ZPBP: variants seen among roughly 807,000 people sequenced by gnomAD.
ZPBP encodes zona pellucida binding protein, also known as zona pellucida-binding protein 1.
In ZPBP, 26 loss-of-function variants were observed where a neutral mutation model predicts 44.8. That is an observed-to-expected ratio of 0.58 (90% CI 0.43 to 0.81). The LOEUF (loss-of-function observed/expected upper bound fraction) is 0.81, where lower values mean the gene tolerates loss of function less well. Among genes scored for constraint, ZPBP ranks in the 30% least tolerant of loss-of-function variants. The pLI, the probability that ZPBP is intolerant of heterozygous loss-of-function variation, is 0.00. For missense variants in ZPBP, 409 were observed against 434.0 expected, an observed-to-expected ratio of 0.94 and a Z score of 0.51; for synonymous variants, 174 against 153.2, an observed-to-expected ratio of 1.14 and a Z score of -1.00.
At chr7:49,977,419 G>A (rs1311307286) in intron 7 of ZPBP, among the ~76,000 whole-genome samples, 3 of 152,158 alleles carry the variant, frequency 2.0e-5, no homozygotes, top group Admixed American at 6.5e-5. Context: ...AAGTCTTTAG[G>A]ATAAATTTAT....
intron 3 of ZPBP, among the ~76,000 whole-genome samples, chr7:50,062,965 C>A (rs1584148155): frequency 1.4e-5 from 2 of 141,670 alleles, no homozygotes; most frequent in South Asian, 2.3e-4. Flanking sequence ...AGAGTCGTTA[C>A]CTTTTAACAT....
At chr7:49,945,924 T>C (rs961148854) in intron 7 of ZPBP, among the ~76,000 whole-genome samples, 1 of 152,162 alleles carries the variant, frequency 6.6e-6, no homozygotes, top group Non-Finnish European at 1.5e-5. Context: ...CTTTTCTTCC[T>C]GTATTCCTTT....
At chr7:49,893,121 A>G (rs1792215073) in intron 2 of ZPBP, among the ~76,000 whole-genome samples, 1 of 152,228 alleles carries the variant, frequency 6.6e-6, no homozygotes. Context: ...AATGTTGAGC[A>G]TGAGAATACT....
intron 6 of ZPBP, among the ~76,000 whole-genome samples, chr7:50,006,477 A>G (rs1480929878): frequency 1.3e-5 from 2 of 152,108 alleles, no homozygotes; most frequent in Non-Finnish European, 1.5e-5. Context: ...TGGAAAATCC[A>G]CATCTATTGA....
intron 7 of ZPBP, among the ~76,000 whole-genome samples, chr7:49,962,192 A>G (rs761974263): frequency 1.5e-4 from 23 of 151,998 alleles, no homozygotes; most frequent in Non-Finnish European, 2.5e-4. Flanking sequence ...AAAAATTTAC[A>G]AGAGAAGGGA....
At chr7:49,850,876 C>T (rs1248045774) in intron 2 of ZPBP, among the ~76,000 whole-genome samples, 1 of 152,214 alleles carries the variant, frequency 6.6e-6, no homozygotes, top group Non-Finnish European at 1.5e-5. Context: ...CACCGCACCT[C>T]AGGATGACTC....
intron 6 of ZPBP, among the ~76,000 whole-genome samples, chr7:50,002,402 A>T (rs1355957184): frequency 6.6e-6 from 1 of 152,124 alleles, no homozygotes; most frequent in East Asian, 1.9e-4. Flanking sequence ...CAGCCAAATC[A>T]TATCAGACAG....
At chr7:49,972,694 T>C (rs1325701242) in intron 7 of ZPBP, among the ~76,000 whole-genome samples, 1 of 152,036 alleles carries the variant, frequency 6.6e-6, no homozygotes, top group Admixed American at 6.6e-5. Context: ...CCTATCAAAA[T>C]GTCAAGCATA....
chr7:49,958,337 T>G (rs1327735862), intron 7 of ZPBP, among the ~76,000 whole-genome samples: 1 of 152,198 alleles, frequency 6.6e-6, no homozygotes, highest in African/African-American at 2.4e-5. Context: ...AAAACATGAA[T>G]TTTTGGGATC....
intron 7 of ZPBP, chr7:49,942,779 G>T: frequency 6.4e-6 from 1 of 156,468 alleles, no homozygotes; most frequent in Non-Finnish European, 1.4e-5. Flanking sequence ...CATATCCACA[G>T]GAGCGAGGTC....
intron 2 of ZPBP, among the ~76,000 whole-genome samples, chr7:50,085,218 C>T (rs1007538765): frequency 1.3e-5 from 2 of 152,046 alleles, no homozygotes; most frequent in African/African-American, 2.4e-5. Flanking sequence ...ATCTAAAAGC[C>T]AAAGACAAAT....
In ZPBP at chr7:50,058,129, G is replaced by T; in HGVS notation, c.347C>A (p.Thr116Asn). The change falls in exon 4 of 8, where the codon ACT becomes AAT. Residue 116 changes from threonine to asparagine, a missense_variant. Coordinates refer to ENST00000046087, the MANE Select transcript of ZPBP (RefSeq NM_007009.3). Reference protein sequence around the residue: ...KGKVVSVENRTAQITSTGSLV... With the variant: ...KGKVVSVENRNAQITSTGSLV... Reference sequence around the variant, plus strand: ...GCTTCCTGTGGATGTTATTTGTGCAGTGCGGTTTTCTACTAAAGGAATAAG... The same window carrying T: ...GCTTCCTGTGGATGTTATTTGTGCATTGCGGTTTTCTACTAAAGGAATAAG... The T allele has an allele frequency of 1.2e-6, 2 of 1,613,698 alleles. No homozygotes were observed. The highest frequency in any genetic ancestry group is 1.7e-6 in the Non-Finnish European group (2 of 1,179,796).
At chr7:49,966,214 AG>A (rs1473487038) in intron 7 of ZPBP, among the ~76,000 whole-genome samples, 1 of 152,150 alleles carries the variant, frequency 6.6e-6, no homozygotes, top group African/African-American at 2.4e-5. Context: ...TGGCAAAATA[AG>A]TAGACATAAA....
chr7:49,866,958 G>T (rs1314444051), intron 2 of ZPBP, among the ~76,000 whole-genome samples: 2 of 152,198 alleles, frequency 1.3e-5, no homozygotes, highest in African/African-American at 4.8e-5. Context: ...AAGCCCACCT[G>T]TGTCCTCTTC....
chr7:49,968,237 A>G (rs531153096), intron 7 of ZPBP, among the ~76,000 whole-genome samples: 1 of 152,194 alleles, frequency 6.6e-6, no homozygotes, highest in Non-Finnish European at 1.5e-5. Flanking sequence ...AAGCCATTAT[A>G]TTTAAAATAT....
In ZPBP at chr7:50,058,005, T is replaced by C; in HGVS notation, c.471A>G (p.Leu157=). 6.2e-7 allele frequency: 1 copy of C among 1,611,278 alleles called. No individual in the cohort carries two copies. The highest frequency in any genetic ancestry group is 8.5e-7 in the Non-Finnish European group (1 of 1,178,696). Residue 157 remains leucine (L), a synonymous_variant, in exon 4 of 8, where the codon CTA becomes CTG. Transcript: ENST00000046087. ...TVEEIVKRLQ[L]KYAIYAYREP... The stretch of plus-strand genomic sequence containing the variant: ...ACTTCTTACCATATATAGCATATTT[T>C]AGTTGAAGACGTTTAACAATTTCTT...
At chr7:50,031,060 AT>A in intron 5 of ZPBP, 31 bp downstream of exon 5, 1 of 1,595,390 alleles carries the variant, frequency 6.3e-7, no homozygotes, top group Non-Finnish European at 8.6e-7. Flanking sequence ...TGTGTTCTCC[AT>A]TTGCTTTTCT....
In ZPBP at chr7:49,899,938, T is replaced by C. The variant is rs140300324; in HGVS notation, n.509+1180A>G. Among the ~76,000 whole-genome samples, 266 of 151,940 alleles carry C rather than the reference T, an allele frequency of 1.8e-3. 3 individuals carry two copies. The highest frequency in any genetic ancestry group is 6.0e-3 in the African/African-American group (249 of 41,520). ...CATTCTGGGTCATAAAATACCTTAA[T>C]AAATTTTGAAAAATGGAAATCATAC... On this transcript the variant is annotated intron_variant and non_coding_transcript_variant, in intron 2 of 2. Transcript: ENST00000465922.
chr7:49,930,205 C>A (rs1794400451), intron 1 of ZPBP, among the ~76,000 whole-genome samples: 1 of 152,210 alleles, frequency 6.6e-6, no homozygotes, highest in African/African-American at 2.4e-5. Context: ...GAGGATGCTG[C>A]AGAGCCACTG....
Sources: gnomAD v4.1 joint callset for allele counts (sites outside exome capture counted in the v4.1 genomes callset) on GRCh38, gnomAD v4.1.1 for gene constraint, MANE v1.5 for transcripts, NCBI Gene and HGNC (gene_info 2026-07-23, HGNC 2026-07-21) for gene names.